The following SLC14A1 variants were observed in gnomAD, a reference collection of about 807,000 sequenced individuals.
The protein encoded by SLC14A1 is urea transporter 1.
In SLC14A1, 36 loss-of-function variants were observed where a neutral mutation model predicts 39.6. That is an observed-to-expected ratio of 0.91 (90% confidence interval 0.70 to 1.20). The LOEUF (loss-of-function observed/expected upper bound fraction) is 1.20. Ranked by LOEUF, SLC14A1 falls within the 50% of genes most tolerant of loss-of-function variation. The probability of loss-of-function intolerance (pLI) is 0.00; values close to 1 mark genes in which losing one functional copy is unlikely to be tolerated. For missense variants in SLC14A1, 469 were observed against 478.7 expected (o/e 0.98, Z 0.19); for synonymous variants, 164 against 173.6 (o/e 0.94, Z 0.43).
chr18:45,732,056 C>A (rs2144760612), intron 4 of SLC14A1, among the ~76,000 whole-genome samples: 1 of 152,322 alleles, frequency 6.6e-6, no homozygotes, highest in African/African-American at 2.4e-5. Context: ...AAACTCTATT[C>A]CAATGCATGC....
chr18:45,739,942 G>A (rs2047312999), intron 8 of SLC14A1: 2 of 482,960 alleles, frequency 4.1e-6, no homozygotes, highest in Non-Finnish European at 7.6e-6. Flanking sequence ...AAAAATCCCA[G>A]TTATTCTTCA....
chr18:45,750,288 A>T lies in SLC14A1; in HGVS notation c.*337A>T, dbSNP rs2047672377. The stretch of plus-strand genomic sequence containing the variant: ...GTATTTATTGATATTCTTGGTGTTT[A>T]GCTGGCTCGATGATGTTAACAGTAT... On this transcript the variant is annotated 3_prime_UTR_variant, in exon 10 of 10. Transcript: ENST00000321925. The T allele has an allele frequency of 1.6e-6, 2 of 1,219,056 alleles. No homozygotes were observed. Among genetic ancestry groups the T allele is most frequent in the African/African-American group, 3.1e-5 (2 of 64,776 alleles). 75.5% of individuals were successfully genotyped at this position (1,219,056 alleles called of 1,614,324 possible).
intron 5 of SLC14A1, among the ~76,000 whole-genome samples, chr18:45,735,499 G>A (rs2047167999): frequency 6.6e-6 from 1 of 151,548 alleles, no homozygotes; most frequent in Non-Finnish European, 1.5e-5. Context: ...TAGTTTTTAT[G>A]TTGACAATGT....
intron 6 of SLC14A1, among the ~76,000 whole-genome samples, chr18:45,737,100 T>C (rs2047220489): frequency 6.6e-6 from 1 of 152,200 alleles, no homozygotes; most frequent in Non-Finnish European, 1.5e-5. Flanking sequence ...TCATAGAACA[T>C]CTACAATAAT....
chr18:45,739,257 C>T lies in SLC14A1; in HGVS notation c.758C>T (p.Ser253Phe). 1.9e-6 allele frequency: 3 copies of T among 1,614,148 alleles called. No homozygotes were observed. Among genetic ancestry groups the T allele is most frequent in the Non-Finnish European group, 2.5e-6 (3 of 1,180,016 alleles). The part of the protein sequence containing the change: ...GIFLGAILLS[S>F]PLMCLHAAIG... ...TTCCTGGGAGCCATCCTACTCTCCT[C>T]CCCACTCATGTGCCTGCATGCTGCC... Residue 253 changes from serine (S) to phenylalanine (F), a missense_variant, in exon 7 of 10, where the codon TCC becomes TTC. By Grantham distance (155) the Ser-to-Phe change is radical. Transcript: ENST00000321925.
At chr18:45,748,319 T>C in intron 8 of SLC14A1, 57 bp from the exon 9 acceptor site, 1 of 1,567,358 alleles carries the variant, frequency 6.4e-7, no homozygotes, top group Non-Finnish European at 8.8e-7. Context: ...CAGCCTTTCC[T>C]GTGATTAAAA....
intron 8 of SLC14A1, among the ~76,000 whole-genome samples, chr18:45,743,142 A>T (rs1208308109): frequency 6.6e-6 from 1 of 152,278 alleles, no homozygotes; most frequent in African/African-American, 2.4e-5. Context: ...ATAGAAATGT[A>T]TGAAACAGAA....
intron 2 of SLC14A1, among the ~76,000 whole-genome samples, chr18:45,726,471 G>C (rs2046866254): frequency 6.6e-6 from 1 of 152,164 alleles, no homozygotes; most frequent in South Asian, 2.1e-4. Context: ...ACTAAAAACT[G>C]TTTATTATTA....
intron 8 of SLC14A1, among the ~76,000 whole-genome samples, chr18:45,745,273 G>A (rs959405667): frequency 3.3e-5 from 5 of 152,164 alleles, no homozygotes; most frequent in Non-Finnish European, 7.3e-5. Context: ...AGGTTGTTCA[G>A]TTTGTTGTCC....
chr18:45,725,672 T>C (rs554878123), intron 2 of SLC14A1, among the ~76,000 whole-genome samples: 2 of 152,328 alleles, frequency 1.3e-5, no homozygotes, highest in East Asian at 3.9e-4. Context: ...GTGGCATTAA[T>C]GTGCCTGGCC....
At chr18:45,730,971 C>T (rs973464654) in intron 3 of SLC14A1, 44 bp from the exon 4 acceptor site, 30 of 1,577,832 alleles carry the variant, frequency 1.9e-5, no homozygotes, top group Non-Finnish European at 2.4e-5. Flanking sequence ...TGAAGAGTAT[C>T]ACTTGGCAGC....
intron 8 of SLC14A1, among the ~76,000 whole-genome samples, chr18:45,741,692 G>C: frequency 6.6e-6 from 1 of 152,134 alleles, no homozygotes; most frequent in Admixed American, 6.6e-5. Context: ...CTCCATATTC[G>C]TTCACAAGGA....
At chr18:45,728,860 C>T (rs1054519068) in intron 2 of SLC14A1, among the ~76,000 whole-genome samples, 2 of 152,088 alleles carry the variant, frequency 1.3e-5, no homozygotes, top group East Asian at 3.9e-4. Flanking sequence ...AATAGTTTGG[C>T]ATTGTTTAAA....
At chr18:45,728,983 A>G (rs1174153271) in intron 2 of SLC14A1, 1 of 152,226 alleles carries the variant, frequency 6.6e-6, no homozygotes, top group East Asian at 1.9e-4. Context: ...CCAAAGCTAG[A>G]GTTCAACTTT....
intron 4 of SLC14A1, among the ~76,000 whole-genome samples, chr18:45,732,389 G>A (rs534748156): frequency 1.3e-5 from 2 of 152,296 alleles, no homozygotes; most frequent in South Asian, 4.1e-4. Flanking sequence ...GTTGTTGAGA[G>A]GACAAGTCTG....
Position 45,752,335 on chromosome 18 carries a change from T to C in SLC14A1, c.*2384T>C, listed in dbSNP as rs550382810. ...GGATCTACCATGCAGGAGCTTCTTG[T>C]GCTCACACAAATCTGTAAATGGGAA... On this transcript the variant is annotated 3_prime_UTR_variant, in exon 10 of 10. Transcript: ENST00000321925. 17 of 568,810 alleles carry C rather than the reference T, an allele frequency of 3.0e-5. No individual in the cohort carries two copies. The South Asian group carries it at 3.1e-4, about 10-fold the overall frequency. The allele number at this position is 568,810 out of a possible 1,614,324, so 35.2% of individuals were successfully genotyped here. A position where few individuals can be genotyped will look rare whatever the true frequency, so the allele number is the denominator to read the frequency against.
In SLC14A1 at chr18:45,734,274, G is replaced by GTCAT. The variant is rs2047117956; in HGVS notation, c.344_347dup (p.Leu116PhefsTer102). The GTCAT allele has an allele frequency of 6.2e-7, 1 of 1,614,002 alleles. No individual in the cohort carries two copies. The highest frequency in any genetic ancestry group is 8.5e-7 in the Non-Finnish European group (1 of 1,179,956). The stretch of plus-strand genomic sequence containing the variant: ...CCGTGCTGTGTCTCTTGCCCCACAG[G>GTCAT]TCATTAATAGCATCTGGGCTCTATG... On this transcript the variant is annotated frameshift_variant and splice_region_variant, in exon 5 of 10. Transcript: ENST00000321925. LOFTEE classifies it high-confidence loss of function.
chr18:45,734,634 G>T (rs978021676), intron 5 of SLC14A1, among the ~76,000 whole-genome samples: 21 of 152,220 alleles, frequency 1.4e-4, no homozygotes, highest in African/African-American at 4.6e-4. Context: ...AAACTATTCA[G>T]AAGGCTGAGG....
chr18:45,740,849 C>T lies in SLC14A1; in HGVS notation c.946+1187C>T, dbSNP rs923028801. Among the ~76,000 whole-genome samples, 5 of 152,184 alleles carry T rather than the reference C, an allele frequency of 3.3e-5. No individual in the cohort carries two copies. The East Asian group carries it at 7.7e-4, about 23-fold the overall frequency. ...CACCATGCCGGCAGAATTTCCACTT[C>T]TAACAAGTTCTCAGGGGGTGCTGAT... On this transcript the variant is annotated intron_variant, in intron 8 of 9. Coordinates refer to ENST00000321925, the MANE Select transcript of SLC14A1 (RefSeq NM_015865.7).
Sources: gnomAD v4.1 joint callset for allele counts (sites outside exome capture counted in the v4.1 genomes callset) on GRCh38, gnomAD v4.1.1 for gene constraint, MANE v1.5 for transcripts, NCBI Gene and HGNC (gene_info 2026-07-23, HGNC 2026-07-21) for gene names.